Variants in DMXL2 observed in about 807,000 individuals in gnomAD.
DMXL2 encodes dmX-like protein 2.
In DMXL2, 103 loss-of-function variants were observed where a neutral mutation model predicts 331.1. The observed-to-expected ratio is 0.31, with a 90% CI of 0.27 to 0.37. The LOEUF (loss-of-function observed/expected upper bound fraction) is 0.37. Ranked by LOEUF, DMXL2 falls within the 10% of genes least tolerant of loss-of-function variation. DMXL2 has a pLI of 1.00. For missense variants in DMXL2, 3,171 were observed against 3,642.9 expected (o/e 0.87, Z 3.33); for synonymous variants, 1,281 against 1,252.1 (o/e 1.02, Z -0.49).
chr15:51,455,914 G>A (rs2039578274), intron 39 of DMXL2, 152 bp downstream of exon 39: 2 of 851,626 alleles, frequency 2.3e-6, no homozygotes, highest in Admixed American at 2.4e-5. Context: ...TCTATTGGAA[G>A]AAAAGAGAGT....
At chr15:51,591,245 T>C (rs957007393) in intron 1 of DMXL2, among the ~76,000 whole-genome samples, 1 of 152,218 alleles carries the variant, frequency 6.6e-6, no homozygotes, top group Non-Finnish European at 1.5e-5. Context: ...AATACTGTGC[T>C]TTTGCAATGG....
At chr15:51,451,215 C>T (rs1009543457) in intron 42 of DMXL2, among the ~76,000 whole-genome samples, 1 of 152,086 alleles carries the variant, frequency 6.6e-6, no homozygotes, top group Non-Finnish European at 1.5e-5. Flanking sequence ...ATAGCTTGAC[C>T]CTAGGAGCTT....
At chr15:51,570,566 G>A (rs1436637336) in intron 2 of DMXL2, among the ~76,000 whole-genome samples, 1 of 152,128 alleles carries the variant, frequency 6.6e-6, no homozygotes, top group Non-Finnish European at 1.5e-5. Flanking sequence ...ACCCACAAAG[G>A]GAAGCCCATC....
Position 51,474,471 on chromosome 15 carries a change from G to A in DMXL2, c.7086C>T (p.Ala2362=). The A allele has an allele frequency of 1.2e-6, 2 of 1,614,122 alleles. No individual in the cohort carries two copies. Among genetic ancestry groups the A allele is most frequent in the Non-Finnish European group, 1.7e-6 (2 of 1,179,994 alleles). The stretch of plus-strand genomic sequence containing the variant: ...GAAATAATTCACTGGAGGAATTTGT[G>A]GCAAGAGCATGTATCAATAAACTTA... ...VYLSLLIHAL[A]TNSSSELFRL... is the part of the protein sequence containing the mutation. Residue 2362 remains alanine (A), a synonymous_variant, in exon 28 of 44, where the codon GCC becomes GCT. Transcript: ENST00000560891.
chr15:51,582,463 G>T (rs998776297), intron 1 of DMXL2, among the ~76,000 whole-genome samples: 2 of 152,102 alleles, frequency 1.3e-5, no homozygotes, highest in African/African-American at 2.4e-5. Flanking sequence ...GGTTGTCTGG[G>T]CTTTGATGGT....
At chr15:51,524,818 G>A (rs1171708599) in intron 13 of DMXL2, among the ~76,000 whole-genome samples, 2 of 152,006 alleles carry the variant, frequency 1.3e-5, no homozygotes, top group African/African-American at 2.4e-5. Context: ...GGCAATCTAG[G>A]CCACAAGGTC....
At position 51,535,681 on chromosome 15, in the gene DMXL2, C is replaced by G. The variant is rs776458523; in HGVS notation, c.2418G>C (p.Leu806Phe). The G allele has an allele frequency of 1.2e-6, 2 of 1,601,468 alleles. No individual in the cohort carries two copies. The highest frequency in any genetic ancestry group is 1.7e-6 in the Non-Finnish European group (2 of 1,175,196). The change falls in exon 13 of 44, where the codon TTG (leucine) becomes TTC (phenylalanine). Residue 806 changes from leucine (L) to phenylalanine (F), a missense_variant. This residue lies in a region of DMXL2 where 1,674 missense variants were observed against 1,780.2 expected (regional missense o/e 0.94). Transcript: ENST00000560891. ...VVDARKLLDE[L>F]SDPESSKLIG... Reference sequence around the variant, plus strand: ...TACTTACTGAAGATTCTGGGTCTGACAATTCATCTAATAATTTCCTTGCAT... The same window carrying G: ...TACTTACTGAAGATTCTGGGTCTGAGAATTCATCTAATAATTTCCTTGCAT...
rs989741420 is a variant in DMXL2, at chr15:51,507,237, T to C, written c.2661A>G (p.Pro887=). The C allele has an allele frequency of 1.2e-6, 2 of 1,610,916 alleles. No individual in the cohort carries two copies. Among genetic ancestry groups the C allele is most frequent in the Non-Finnish European group, 1.7e-6 (2 of 1,178,638 alleles). The change falls in exon 16 of 44, where the codon CCA becomes CCG. Residue 887 remains proline, a synonymous_variant. Transcript: ENST00000560891. ...CTACTAGAAAGAACTTTTCTGAAAA[T>C]GGTGGTGGGCGGTATCCTATTATTC... The part of the protein sequence containing the change: ...FQPSQGYRPP[P]FSEKFFLVVI...
Position 51,537,574 on chromosome 15 carries a change from T to C in DMXL2, c.1531A>G (p.Thr511Ala). ...EWNKNPDMLF[T>A]IHPVDGTFLV... ...AAGGTACCATCTACAGGGTGTATTG[T>C]AAAAAGCATATCAGGATTCTTATTC... is the stretch of plus-strand genomic sequence containing the variant. Residue 511 changes from threonine to alanine, a missense_variant, in exon 11 of 44, where the codon ACA becomes GCA. Physicochemically the swap from Thr to Ala is moderately conservative, Grantham distance 58 (BLOSUM62 0). Transcript: ENST00000560891. 1 of 1,613,928 alleles carries C rather than the reference T, an allele frequency of 6.2e-7. No individual in the cohort carries two copies. Among genetic ancestry groups the C allele is most frequent in the Non-Finnish European group, 8.5e-7 (1 of 1,179,892 alleles).
intron 13 of DMXL2, among the ~76,000 whole-genome samples, chr15:51,519,623 G>C (rs1326771585): frequency 6.9e-6 from 1 of 144,486 alleles, no homozygotes; most frequent in Non-Finnish European, 1.5e-5. Flanking sequence ...CTCTGGTTTT[G>C]ACAAAGTCTC....
intron 1 of DMXL2, among the ~76,000 whole-genome samples, chr15:51,612,759 G>A (rs1427237275): frequency 6.6e-6 from 1 of 152,130 alleles, no homozygotes; most frequent in East Asian, 1.9e-4. Context: ...CAGGAGACAG[G>A]GTTTGAGAGC....
At chr15:51,451,404 T>C (rs981824516) in intron 42 of DMXL2, among the ~76,000 whole-genome samples, 2 of 152,258 alleles carry the variant, frequency 1.3e-5, no homozygotes, top group Non-Finnish European at 2.9e-5. Flanking sequence ...CCATACCATA[T>C]TTTCTGAATA....
At chr15:51,618,303 T>C (rs1306665862) in intron 1 of DMXL2, among the ~76,000 whole-genome samples, 1 of 136,288 alleles carries the variant, frequency 7.3e-6, no homozygotes, top group African/African-American at 2.7e-5. Flanking sequence ...CAAGACTATG[T>C]CTTGTAATTC....
At chr15:51,559,668 C>T (rs551915391) in intron 6 of DMXL2, among the ~76,000 whole-genome samples, 23 of 152,112 alleles carry the variant, frequency 1.5e-4, no homozygotes, top group Non-Finnish European at 2.6e-4. Context: ...TTACAGTGAG[C>T]TATGATCGGC....
At chr15:51,618,845 T>C (rs1366198204) in intron 1 of DMXL2, among the ~76,000 whole-genome samples, 3 of 152,206 alleles carry the variant, frequency 2.0e-5, no homozygotes, top group Non-Finnish European at 2.9e-5. Flanking sequence ...GTTATAATTA[T>C]ATAAATCATT....
intron 18 of DMXL2, among the ~76,000 whole-genome samples, 180 bp downstream of exon 18, chr15:51,498,372 G>A (rs1232434412): frequency 6.6e-6 from 1 of 152,190 alleles, no homozygotes; most frequent in African/African-American, 2.4e-5. Flanking sequence ...GCATTCATAT[G>A]CCGGCCTCAA....
intron 2 of DMXL2, among the ~76,000 whole-genome samples, chr15:51,570,567 G>A (rs1230577785): frequency 1.3e-5 from 2 of 152,148 alleles, no homozygotes; most frequent in African/African-American, 4.8e-5. Context: ...CCCACAAAGG[G>A]AAGCCCATCA....
chr15:51,576,183 T>TAAAGAAAAAA lies in DMXL2; in HGVS notation c.88-3_88-2insTTTTTTCTTT. 1 of 626,284 alleles carries TAAAGAAAAAA rather than the reference T, an allele frequency of 1.6e-6. No homozygotes were observed. Among genetic ancestry groups the TAAAGAAAAAA allele is most frequent in the South Asian group, 4.3e-5 (1 of 23,400 alleles). The allele number at this position is 626,284 out of a possible 1,614,324, so 38.8% of individuals were successfully genotyped here. A position where few individuals can be genotyped will look rare whatever the true frequency, so the allele number is the denominator to read the frequency against. ...AATATCACAGCCTGATCCATATGCC[T>TAAAGAAAAAA]AAAAAAAAAAAAAAAAAAAAGTTTT... On this transcript the variant is annotated splice_region_variant and splice_polypyrimidine_tract_variant and intron_variant, in intron 1 of 43. Transcript: ENST00000560891.
Position 51,451,651 on chromosome 15 carries a change from T to C in DMXL2, c.8743A>G (p.Ile2915Val), listed in dbSNP as rs200751363. 8.7e-6 allele frequency: 14 copies of C among 1,611,766 alleles called. No individual in the cohort carries two copies. The highest frequency in any genetic ancestry group is 1.3e-5 in the African/African-American group (1 of 74,878). The change falls in exon 42 of 44, where the codon ATT (isoleucine) becomes GTT (valine). Residue 2915 changes from isoleucine (I) to valine (V), a missense_variant. Ile to Val is a conservative substitution (Grantham distance 29). Around this residue, in one of 7 missense-constraint regions of DMXL2, gnomAD observed 766 missense variants for 940.5 expected, o/e 0.81. Transcript: ENST00000560891. ...ATCATAGACCTTAACTCACCATGAA[T>C]GAGGCTGTTTCCGGGTGATATTAAT... ...DTLISPGNSLIHGFTCHDHGA... is the reference protein window; with the variant it reads ...DTLISPGNSLVHGFTCHDHGA...
Sources: gnomAD v4.1 joint callset for allele counts (sites outside exome capture counted in the v4.1 genomes callset) on GRCh38, gnomAD v4.1.1 for gene constraint, gnomAD v4.1.1 regional missense constraint, MANE v1.5 for transcripts, NCBI Gene and HGNC (gene_info 2026-07-23, HGNC 2026-07-21) for gene names.